KCNAB1: variants seen among roughly 807,000 people sequenced by gnomAD.
KCNAB1 encodes the protein voltage-gated potassium channel subunit beta-1.
A neutral mutation model predicts 64.6 loss-of-function variants in KCNAB1; 35 were observed. That is an observed-to-expected ratio of 0.54 (90% CI 0.41 to 0.72). KCNAB1 has a LOEUF of 0.72. KCNAB1 is among the 30% of genes least tolerant of loss of function. KCNAB1 has a pLI of 0.00. For missense variants in KCNAB1, 401 were observed against 512.9 expected (o/e 0.78, Z 2.11); for synonymous variants, 177 against 183.8 (o/e 0.96, Z 0.30).
chr3:156,434,908 A>G (rs1459890716), intron 2 of KCNAB1, among the ~76,000 whole-genome samples: 2 of 152,176 alleles, frequency 1.3e-5, no homozygotes. Context: ...TACTGTTTTA[A>G]TTTATGTTCT....
At chr3:156,448,507 A>C (rs887974228) in intron 2 of KCNAB1, among the ~76,000 whole-genome samples, 3 of 152,124 alleles carry the variant, frequency 2.0e-5, no homozygotes, top group Admixed American at 2.0e-4. Flanking sequence ...TGTCTGTGAG[A>C]GGCAACTCCT....
chr3:156,223,771 T>C (rs182862386), intron 1 of KCNAB1, among the ~76,000 whole-genome samples: 2 of 152,324 alleles, frequency 1.3e-5, no homozygotes, highest in African/African-American at 2.4e-5. Flanking sequence ...AGGGTGCTGA[T>C]TGGTGTATTC....
intron 1 of KCNAB1, among the ~76,000 whole-genome samples, chr3:156,321,261 G>A (rs758705423): frequency 8.5e-5 from 13 of 152,202 alleles, no homozygotes; most frequent in Non-Finnish European, 1.6e-4. Flanking sequence ...AAGAATGGCT[G>A]CTGTTTGGAG....
rs142376689 is a variant in KCNAB1 at position 156,219,456 on chromosome 3, G to T, written c.275+98570G>T. Among the ~76,000 whole-genome samples the T allele has an allele frequency of 6.9e-4, 105 of 151,972 alleles. 1 individual carries two copies. The East Asian group carries it at 0.012, about 18-fold the overall frequency. ...ATGAACAAAACCTCCGAGAAATTTG[G>T]ACTATGTTAAATGTCCAAACCTAAG... On this transcript the variant is annotated intron_variant, in intron 1 of 13. Coordinates refer to ENST00000490337, the MANE Select transcript of KCNAB1 (RefSeq NM_172160.3).
At chr3:156,337,855 T>C (rs926786047) in intron 1 of KCNAB1, among the ~76,000 whole-genome samples, 1 of 152,226 alleles carries the variant, frequency 6.6e-6, no homozygotes, top group Non-Finnish European at 1.5e-5. Context: ...CAATAAAGCA[T>C]GTTTGATTAA....
chr3:156,457,110 A>G, intron 3 of KCNAB1: 1 of 682,088 alleles, frequency 1.5e-6, no homozygotes, highest in Non-Finnish European at 1.9e-6. Context: ...GGAGTCACAC[A>G]GTGATACAAA....
rs1047113030 is a variant in KCNAB1 at position 156,229,477 on chromosome 3, A to G, written c.275+108591A>G. On this transcript the variant is annotated intron_variant, in intron 1 of 13. Coordinates refer to ENST00000490337, the MANE Select transcript of KCNAB1 (RefSeq NM_172160.3). ...AATTCGACATGAGATTTGGGCAGGGACACAAATTTAAACCATATTATGTGG... is the reference window on the plus strand; with the variant it reads ...AATTCGACATGAGATTTGGGCAGGGGCACAAATTTAAACCATATTATGTGG... 2.6e-5 allele frequency among the ~76,000 whole-genome samples: 4 copies of G among 152,234 alleles called. No individual in the cohort carries two copies. The East Asian group carries it at 7.7e-4, about 29-fold the overall frequency.
chr3:156,213,714 A>G (rs1715153220), intron 1 of KCNAB1, among the ~76,000 whole-genome samples: 1 of 152,198 alleles, frequency 6.6e-6, no homozygotes, highest in Non-Finnish European at 1.5e-5. Flanking sequence ...TGTAATAAGC[A>G]GTATCCCTTA....
At chr3:156,456,719 A>T (rs1253792052) in intron 3 of KCNAB1, among the ~76,000 whole-genome samples, 1 of 152,232 alleles carries the variant, frequency 6.6e-6, no homozygotes, top group African/African-American at 2.4e-5. Context: ...CAAAATGAAA[A>T]AATGGCCCTT....
intron 1 of KCNAB1, among the ~76,000 whole-genome samples, chr3:156,192,012 C>G (rs1268265958): frequency 6.6e-6 from 1 of 152,182 alleles, no homozygotes; most frequent in Non-Finnish European, 1.5e-5. Context: ...TCTCTATTTC[C>G]AGGCACCACT....
chr3:156,308,835 C>A (rs1219458299), intron 1 of KCNAB1, among the ~76,000 whole-genome samples: 1 of 152,078 alleles, frequency 6.6e-6, no homozygotes, highest in Non-Finnish European at 1.5e-5. Flanking sequence ...TTTCTTTGTT[C>A]TGAACAGCTA....
rs145235433 is a variant in KCNAB1 at position 156,391,016 on chromosome 3, C to T, written c.276-30600C>T. 5.3e-5 allele frequency among the ~76,000 whole-genome samples: 8 copies of T among 152,224 alleles called. No homozygotes were observed. The East Asian group carries it at 5.8e-4, about 11-fold the overall frequency. Reference sequence around the variant, plus strand: ...CATTAAGTCAGAACTCCAGTTTAGACGTATGGTTCAGTTTCTGATACTTAT... The same window carrying T: ...CATTAAGTCAGAACTCCAGTTTAGATGTATGGTTCAGTTTCTGATACTTAT... On this transcript the variant is annotated intron_variant, in intron 1 of 13. Coordinates refer to ENST00000490337, the MANE Select transcript of KCNAB1 (RefSeq NM_172160.3).
chr3:156,387,919 A>G (rs1413447546), intron 1 of KCNAB1, among the ~76,000 whole-genome samples: 3 of 152,222 alleles, frequency 2.0e-5, no homozygotes, highest in African/African-American at 7.2e-5. Flanking sequence ...ATGGTAAAGA[A>G]AATTCACCGC....
At chr3:156,450,071 G>A (rs889938480) in intron 2 of KCNAB1, among the ~76,000 whole-genome samples, 1 of 152,206 alleles carries the variant, frequency 6.6e-6, no homozygotes, top group Non-Finnish European at 1.5e-5. Flanking sequence ...TAGCCAATTA[G>A]TGGTATTAAT....
At chr3:156,177,652 C>T (rs1025823343) in intron 1 of KCNAB1, among the ~76,000 whole-genome samples, 20 of 151,920 alleles carry the variant, frequency 1.3e-4, no homozygotes, top group African/African-American at 4.8e-4. Flanking sequence ...GCTGGGATTA[C>T]ATGCGTGAGC....
At chr3:156,341,948 A>G (rs1254104131) in intron 1 of KCNAB1, among the ~76,000 whole-genome samples, 2 of 152,144 alleles carry the variant, frequency 1.3e-5, no homozygotes, top group African/African-American at 2.4e-5. Flanking sequence ...ACAACTATCA[A>G]TTTAAAAAAC....
intron 1 of KCNAB1, among the ~76,000 whole-genome samples, chr3:156,293,377 C>T (rs755447912): frequency 6.6e-6 from 1 of 152,088 alleles, no homozygotes; most frequent in Non-Finnish European, 1.5e-5. Flanking sequence ...TGTTAGGAAC[C>T]AGGTTTTAGT....
intron 2 of KCNAB1, among the ~76,000 whole-genome samples, chr3:156,442,454 T>C (rs1717070226): frequency 6.6e-6 from 1 of 152,180 alleles, no homozygotes; most frequent in Admixed American, 6.5e-5. Context: ...AGATTTGCCC[T>C]GAAACAAATC....
At chr3:156,477,433 A>G (rs1714450278) in intron 8 of KCNAB1, among the ~76,000 whole-genome samples, 1 of 152,156 alleles carries the variant, frequency 6.6e-6, no homozygotes, top group South Asian at 2.1e-4. Flanking sequence ...GTAGCACAGC[A>G]GCAATCAACC....
Sources: allele counts gnomAD v4.1 joint callset (sites outside exome capture counted in the v4.1 genomes callset), GRCh38; gene constraint gnomAD v4.1.1; transcripts MANE v1.5; gene names NCBI Gene and HGNC (gene_info 2026-07-23, HGNC 2026-07-21).